Variants in FMN1 observed in about 807,000 individuals in gnomAD.
The protein encoded by FMN1 is formin-1.
In FMN1, 110 loss-of-function variants were observed where a neutral mutation model predicts 132.4. The ratio of observed to expected loss-of-function variants is 0.83; its 90% CI spans 0.71 to 0.97. FMN1 has a LOEUF of 0.97. FMN1 is among the 50% of genes least tolerant of loss of function. The pLI is 0.00. For synonymous variants in FMN1, 722 were observed against 651.7 expected (o/e 1.11, Z -1.64); for missense variants, 1,792 against 1,705.3 (o/e 1.05, Z -0.90).
intron 4 of FMN1, among the ~76,000 whole-genome samples, chr15:33,105,431 G>A (rs545703768): frequency 2.6e-5 from 4 of 152,054 alleles, no homozygotes; most frequent in Non-Finnish European, 5.9e-5. Context: ...TAATTTAGCA[G>A]AAGACTCCCA....
chr15:32,858,851 A>T (rs935355178), intron 16 of FMN1, among the ~76,000 whole-genome samples: 2 of 152,208 alleles, frequency 1.3e-5, no homozygotes, highest in African/African-American at 4.8e-5. Context: ...TGCTATTATG[A>T]GATTACCCTT....
chr15:32,827,138 T>G (rs2058386739), intron 17 of FMN1, among the ~76,000 whole-genome samples: 1 of 152,156 alleles, frequency 6.6e-6, no homozygotes, highest in Admixed American at 6.5e-5. Context: ...CTGAGTGGCC[T>G]CCAGTCACTC....
rs1431865661 is a variant in FMN1 at position 32,773,735 on chromosome 15, A to G, written c.*575T>C. On this transcript the variant is annotated 3_prime_UTR_variant, in exon 21 of 21. Transcript: ENST00000616417. ...TCCTTTTCATCACGTAAACCATAAC[A>G]ACAAAAAATCATTTTTTTAGTCTGG... 6.6e-6 allele frequency: 1 copy of G among 152,284 alleles called. No homozygotes were observed. The highest frequency in any genetic ancestry group is 1.5e-5 in the Non-Finnish European group (1 of 68,144). The allele number at this position is 152,284 out of a possible 1,614,324, so 9.4% of individuals were successfully genotyped here.
chr15:33,107,696 C>G (rs1481775261), intron 4 of FMN1, among the ~76,000 whole-genome samples: 1 of 152,102 alleles, frequency 6.6e-6, no homozygotes, highest in Non-Finnish European at 1.5e-5. Context: ...TTTCTTGTCA[C>G]TGCCTTTTTG....
intron 4 of FMN1, among the ~76,000 whole-genome samples, chr15:33,118,449 A>C (rs560564894): frequency 1.3e-5 from 2 of 152,226 alleles, no homozygotes; most frequent in Admixed American, 6.5e-5. Flanking sequence ...AAACAGAGAA[A>C]TAGGAAAGTA....
chr15:33,127,641 T>G (rs201730254), intron 4 of FMN1, among the ~76,000 whole-genome samples: 1 of 75,918 alleles, frequency 1.3e-5, no homozygotes, highest in South Asian at 4.7e-4. Context: ...CCAATCAAAC[T>G]CAGCACCATT....
At chr15:32,960,682 G>T (rs2140566063) in intron 9 of FMN1, among the ~76,000 whole-genome samples, 1 of 152,090 alleles carries the variant, frequency 6.6e-6, no homozygotes, top group Non-Finnish European at 1.5e-5. Flanking sequence ...AACTGATGAT[G>T]AACCCCATGA....
At chr15:32,911,413 G>T (rs1299814326) in intron 10 of FMN1, among the ~76,000 whole-genome samples, 2 of 152,010 alleles carry the variant, frequency 1.3e-5, no homozygotes, top group Non-Finnish European at 2.9e-5. Flanking sequence ...TCCGTGGCAG[G>T]CTAATTAATT....
chr15:32,840,211 C>A (rs2058716399), intron 17 of FMN1, among the ~76,000 whole-genome samples: 1 of 152,170 alleles, frequency 6.6e-6, no homozygotes, highest in Non-Finnish European at 1.5e-5. Flanking sequence ...TAGTGAGCAT[C>A]TGTGTGGCTC....
chr15:32,898,791 A>G (rs752287882), intron 15 of FMN1, 43 bp downstream of exon 15: 8 of 1,259,658 alleles, frequency 6.4e-6, no homozygotes, highest in Non-Finnish European at 9.2e-6. Context: ...AATGTCAACA[A>G]TGAGTAAGAG....
intron 16 of FMN1, among the ~76,000 whole-genome samples, chr15:32,873,203 T>TG (rs770753704): frequency 1.9e-4 from 29 of 152,240 alleles, no homozygotes; most frequent in Non-Finnish European, 3.1e-4. Context: ...CACAGACACT[T>TG]GTAAATCTGT....
intron 9 of FMN1, among the ~76,000 whole-genome samples, chr15:32,958,591 T>TA (rs2030116046): frequency 1.3e-5 from 2 of 151,860 alleles, no homozygotes; most frequent in South Asian, 4.2e-4. Context: ...CATACATACA[T>TA]GCTTAAACAA....
At chr15:33,008,183 G>T in intron 6 of FMN1, 108 bp from the exon 7 acceptor site, 2 of 831,606 alleles carry the variant, frequency 2.4e-6, no homozygotes, top group Non-Finnish European at 1.9e-6. Flanking sequence ...GCCACAATTT[G>T]ACATCAACCT....
chr15:32,881,816 A>G (rs542230596), intron 16 of FMN1, among the ~76,000 whole-genome samples: 3 of 152,280 alleles, frequency 2.0e-5, no homozygotes, highest in Non-Finnish European at 4.4e-5. Flanking sequence ...CAAGTTCTGG[A>G]AAATTCCCTT....
At position 33,150,570 on chromosome 15, in the gene FMN1, C is replaced by T. The variant is rs1328186429; in HGVS notation, c.1867+2478G>A. ...TGTGACATCCTTATGCTACATCCTG[C>T]ATGAATGGTAATGTCAGCTTTAACT... is the stretch of plus-strand genomic sequence containing the variant. On this transcript the variant is annotated intron_variant, in intron 4 of 20. Transcript: ENST00000616417. The T allele has an allele frequency of 5.1e-6, 5 of 985,440 alleles. No homozygotes were observed. In the South Asian group the frequency reaches 2.3e-4, roughly 46 times the overall value. The allele number at this position is 985,440 out of a possible 1,614,324, so 61.0% of individuals were successfully genotyped here.
intron 17 of FMN1, among the ~76,000 whole-genome samples, chr15:32,856,619 G>A (rs2059137291): frequency 6.6e-6 from 1 of 152,216 alleles, no homozygotes; most frequent in African/African-American, 2.4e-5. Context: ...CATAAAACCA[G>A]GAGGGTGATC....
At chr15:32,836,225 G>A (rs2058624159) in intron 17 of FMN1, among the ~76,000 whole-genome samples, 1 of 152,144 alleles carries the variant, frequency 6.6e-6, no homozygotes, top group African/African-American at 2.4e-5. Context: ...GATTTCTGAT[G>A]TAGCTCTGCT....
At chr15:33,151,702 C>T (rs1253463663) in intron 4 of FMN1, among the ~76,000 whole-genome samples, 1 of 150,442 alleles carries the variant, frequency 6.6e-6, no homozygotes, top group African/African-American at 2.5e-5. Flanking sequence ...AAATCTCTCT[C>T]TTAATAATCT....
chr15:33,032,912 A>G lies in FMN1; in HGVS notation c.2162-24837T>C, dbSNP rs79389896. On this transcript the variant is annotated intron_variant, in intron 6 of 20. Transcript: ENST00000616417. Reference sequence around the variant, plus strand: ...GGAATAATGGTGATTCCTACTTCGCAAGGTCATTGTGAGGTTTAGAGTTAT... The same window carrying G: ...GGAATAATGGTGATTCCTACTTCGCGAGGTCATTGTGAGGTTTAGAGTTAT... Among the ~76,000 whole-genome samples the G allele has an allele frequency of 1.5e-3, 225 of 152,288 alleles. No homozygotes were observed. The East Asian group carries it at 0.016, about 11-fold the overall frequency.
Sources: allele counts gnomAD v4.1 joint callset (sites outside exome capture counted in the v4.1 genomes callset), GRCh38; gene constraint gnomAD v4.1.1; transcripts MANE v1.5; gene names NCBI Gene and HGNC (gene_info 2026-07-23, HGNC 2026-07-21).